The following OSGIN2 variants were observed in gnomAD, a reference collection of about 807,000 sequenced individuals.
OSGIN2 encodes oxidative stress-induced growth inhibitor 2.
A neutral mutation model predicts 53.8 loss-of-function variants in OSGIN2; 19 were observed. The observed-to-expected ratio is 0.35, with a 90% CI of 0.25 to 0.52. The LOEUF (loss-of-function observed/expected upper bound fraction) is 0.52, where lower values mean the gene tolerates loss of function less well. Among genes scored for constraint, OSGIN2 ranks in the 20% least tolerant of loss-of-function variants. The pLI, the probability that OSGIN2 is intolerant of heterozygous loss-of-function variation, is 0.95. For synonymous variants in OSGIN2, 236 were observed against 236.0 expected (o/e 1.00, Z 0.00); for missense variants, 520 against 662.7 (o/e 0.78, Z 2.36).
At chr8:89,923,417 T>A (rs1251306798) in intron 5 of OSGIN2, among the ~76,000 whole-genome samples, 1 of 152,216 alleles carries the variant, frequency 6.6e-6, no homozygotes, top group Non-Finnish European at 1.5e-5. Context: ...CCATTACAAG[T>A]TACAAACAGT....
chr8:89,903,662 G>C (rs1164770847), intron 1 of OSGIN2, among the ~76,000 whole-genome samples: 1 of 152,200 alleles, frequency 6.6e-6, no homozygotes, highest in Non-Finnish European at 1.5e-5. Flanking sequence ...TGGATGGAAA[G>C]AAAGGTATAT....
At chr8:89,904,486 C>A (rs1228664532) in intron 1 of OSGIN2, among the ~76,000 whole-genome samples, 1 of 152,042 alleles carries the variant, frequency 6.6e-6, no homozygotes, top group Non-Finnish European at 1.5e-5. Flanking sequence ...GATTAATAAA[C>A]CACACTTTTT....
intron 3 of OSGIN2, 76 bp downstream of exon 3, chr8:89,914,289 CT>C (rs1809033411): frequency 9.2e-7 from 1 of 1,090,636 alleles, no homozygotes; most frequent in Non-Finnish European, 1.3e-6. Flanking sequence ...TATGAACTTT[CT>C]TAGTTGAAAC....
At chr8:89,903,778 A>C (rs139775016) in intron 1 of OSGIN2, among the ~76,000 whole-genome samples, 311 of 152,362 alleles carry the variant, frequency 2.0e-3, no homozygotes, top group African/African-American at 7.1e-3. Flanking sequence ...TGTTTATATC[A>C]CATTGCAGTT....
Position 89,926,844 on chromosome 8 carries a change from G to GT in OSGIN2, c.*1317dup, listed in dbSNP as rs1809344351. On this transcript the variant is annotated 3_prime_UTR_variant, in exon 6 of 6. Transcript: ENST00000451899. ...TAGAATTAAAAGTGGATTAATGTGG[G>GT]TTTTTCTGTTCATTTTATTGCAGTA... is the stretch of plus-strand genomic sequence containing the variant. 6.6e-6 allele frequency: 1 copy of GT among 152,034 alleles called. No individual in the cohort carries two copies. Among genetic ancestry groups the GT allele is most frequent in the Non-Finnish European group, 1.5e-5 (1 of 67,986 alleles). The allele number at this position is 152,034 out of a possible 1,614,324, so 9.4% of individuals were successfully genotyped here.
Position 89,925,513 on chromosome 8 carries a change from G to A in OSGIN2, c.1631G>A (p.Gly544Glu), listed in dbSNP as rs763533954. The change falls in exon 6 of 6, where the codon GGA becomes GAA. Residue 544 changes from glycine to glutamate, a missense_variant. Coordinates refer to ENST00000451899, the MANE Select transcript of OSGIN2 (RefSeq NM_001126111.3). ...KKKHLFVERG[G>E]GDGIA ...AAGCATTTGTTTGTTGAAAGAGGAG[G>A]AGGAGATGGGATAGCTTAAAGCAAG... The A allele has an allele frequency of 3.7e-6, 6 of 1,613,478 alleles. No homozygotes were observed. Among genetic ancestry groups the A allele is most frequent in the Non-Finnish European group, 5.1e-6 (6 of 1,179,652 alleles).
rs1809306062 is a variant in OSGIN2, at chr8:89,925,511, A to G, written c.1629A>G (p.Gly543=). 1 of 1,613,728 alleles carries G rather than the reference A, an allele frequency of 6.2e-7. No individual in the cohort carries two copies. The change falls in exon 6 of 6, where the codon GGA becomes GGG. Residue 543 remains glycine, a synonymous_variant. Coordinates refer to ENST00000451899, the MANE Select transcript of OSGIN2 (RefSeq NM_001126111.3). ...QKKKHLFVER[G]GGDGIA ...AAAAGCATTTGTTTGTTGAAAGAGG[A>G]GGAGGAGATGGGATAGCTTAAAGCA...
chr8:89,922,319 C>T (rs1054662300), intron 5 of OSGIN2, among the ~76,000 whole-genome samples: 1 of 152,070 alleles, frequency 6.6e-6, no homozygotes, highest in Non-Finnish European at 1.5e-5. Flanking sequence ...TTAAACCTTT[C>T]CAAAAATTCA....
chr8:89,903,715 A>G (rs1403443382), intron 1 of OSGIN2, among the ~76,000 whole-genome samples: 1 of 152,256 alleles, frequency 6.6e-6, no homozygotes, highest in Non-Finnish European at 1.5e-5. Flanking sequence ...TTAAAATATA[A>G]GCAACAAATC....
At chr8:89,903,048 C>T (rs1487849145) in intron 1 of OSGIN2, among the ~76,000 whole-genome samples, 1 of 152,158 alleles carries the variant, frequency 6.6e-6, no homozygotes, top group Non-Finnish European at 1.5e-5. Context: ...TCCCTTTTCT[C>T]GCTCTGGACC....
chr8:89,924,064 G>A lies in OSGIN2; in HGVS notation c.621-439G>A, dbSNP rs1809261989. ...ACTAAAATTCATGTCAAGATGGCAT[G>A]TATAATTTTAAGAAGCATAGATATT... On this transcript the variant is annotated intron_variant, in intron 5 of 5. Transcript: ENST00000451899. 4.0e-5 allele frequency among the ~76,000 whole-genome samples: 6 copies of A among 151,098 alleles called. No individual in the cohort carries two copies. The South Asian group carries it at 1.2e-3, about 31-fold the overall frequency.
At chr8:89,922,999 C>G (rs1418747452) in intron 5 of OSGIN2, among the ~76,000 whole-genome samples, 2 of 151,810 alleles carry the variant, frequency 1.3e-5, no homozygotes, top group African/African-American at 4.8e-5. Context: ...AATGGTATAC[C>G]TGTGGGAGGT....
At chr8:89,903,958 G>T (rs966612595) in intron 1 of OSGIN2, among the ~76,000 whole-genome samples, 2 of 152,180 alleles carry the variant, frequency 1.3e-5, no homozygotes, top group Non-Finnish European at 2.9e-5. Flanking sequence ...ATTCAGAGAA[G>T]AGGTTAAGAA....
At chr8:89,922,775 G>A (rs552478128) in intron 5 of OSGIN2, among the ~76,000 whole-genome samples, 3 of 152,140 alleles carry the variant, frequency 2.0e-5, no homozygotes, top group Admixed American at 6.5e-5. Context: ...AGGTGATTTC[G>A]TTGGGCAAAC....
In OSGIN2 at chr8:89,923,272, TG is replaced by T. The variant is rs538020648; in HGVS notation, c.621-1228del. On this transcript the variant is annotated intron_variant, in intron 5 of 5. Coordinates refer to ENST00000451899, the MANE Select transcript of OSGIN2 (RefSeq NM_001126111.3). ...TTTTCAGCTCCTTTATAATCCTTTA[TG>T]GGACCATTGTTGTATATGCTATCCT... Among the ~76,000 whole-genome samples, 9 of 152,348 alleles carry T rather than the reference TG, an allele frequency of 5.9e-5. No homozygotes were observed. In the East Asian group the frequency reaches 1.7e-3, roughly 29 times the overall value.
At chr8:89,915,079 A>AG (rs1319655001) in intron 4 of OSGIN2, among the ~76,000 whole-genome samples, 1 of 152,230 alleles carries the variant, frequency 6.6e-6, no homozygotes, top group African/African-American at 2.4e-5. Context: ...AGTATTTCAA[A>AG]GCAGTATCCA....
intron 1 of OSGIN2, among the ~76,000 whole-genome samples, chr8:89,905,666 T>A (rs1269977538): frequency 6.6e-6 from 1 of 152,218 alleles, no homozygotes. Context: ...CTACAAATAG[T>A]TTATCACAGA....
At position 89,909,701 on chromosome 8, in the gene OSGIN2, CT is replaced by C; in HGVS notation, c.183del (p.Pro62LeufsTer3). On this transcript the variant is annotated frameshift_variant, in exon 2 of 6. Coordinates refer to ENST00000451899, the MANE Select transcript of OSGIN2 (RefSeq NM_001126111.3). LOFTEE classifies it high-confidence loss of function. ...ETSLLEDSSVTFPVVIIGNGP... is the reference protein window; with the variant it reads ...ETSLLEDSSVXFPVVIIGNGP... ...TCTTTACTGGAAGATTCGTCAGTGA[CT>C]TTTCCTGTGGTAATAATAGGTAAGT... 1 of 1,607,148 alleles carries C rather than the reference CT, an allele frequency of 6.2e-7. No homozygotes were observed. Among genetic ancestry groups the C allele is most frequent in the Non-Finnish European group, 8.5e-7 (1 of 1,175,512 alleles).
upstream of OSGIN2, chr8:89,901,890 T>C (rs1207478882): frequency 1.3e-5 from 2 of 152,278 alleles, no homozygotes; most frequent in African/African-American, 4.8e-5. Flanking sequence ...GATGAGCACC[T>C]GGATTTTCAC....
Sources: allele counts gnomAD v4.1 joint callset (sites outside exome capture counted in the v4.1 genomes callset), GRCh38; gene constraint gnomAD v4.1.1; transcripts MANE v1.5; gene names NCBI Gene and HGNC (gene_info 2026-07-23, HGNC 2026-07-21).